The following ANKRD33B variants were observed in gnomAD, a reference collection of about 807,000 sequenced individuals.
ANKRD33B encodes the protein ankyrin repeat domain-containing protein 33B.
A neutral mutation model predicts 21.5 loss-of-function variants in ANKRD33B; 6 were observed. The ratio of observed to expected loss-of-function variants is 0.28; its 90% CI spans 0.15 to 0.55. ANKRD33B has a LOEUF of 0.55. ANKRD33B is among the 20% of genes least tolerant of loss of function. The probability of loss-of-function intolerance (pLI) is 0.94; values close to 1 mark genes in which losing one functional copy is unlikely to be tolerated. For synonymous variants in ANKRD33B, 347 were observed against 342.4 expected (o/e 1.01, Z -0.15); for missense variants, 698 against 747.2 (o/e 0.93, Z 0.77).
At chr5:10,602,587 G>A (rs529988544) in intron 1 of ANKRD33B, among the ~76,000 whole-genome samples, 56 of 152,322 alleles carry the variant, frequency 3.7e-4, no homozygotes, top group African/African-American at 1.2e-3. Context: ...ACATGCTGTC[G>A]TCTGAGAGCC....
Position 10,649,995 on chromosome 5 carries a change from C to G in ANKRD33B, c.1367C>G (p.Pro456Arg), listed in dbSNP as rs1212330178. Reference protein sequence around the residue: ...STKDSGHLQIPKWRYKEAKEE... With the variant: ...STKDSGHLQIRKWRYKEAKEE... Reference sequence around the variant, plus strand: ...AAGGACAGCGGCCACCTGCAGATCCCCAAGTGGCGGTACAAGGAGGCCAAG... The same window carrying G: ...AAGGACAGCGGCCACCTGCAGATCCGCAAGTGGCGGTACAAGGAGGCCAAG... The change falls in exon 4 of 4, where the codon CCC (proline) becomes CGC (arginine). Residue 456 changes from proline to arginine, a missense_variant. Physicochemically the swap from Pro to Arg is moderately radical, Grantham distance 103 (BLOSUM62 -2). This residue lies in a region of ANKRD33B where 543 missense variants were observed against 566.5 expected (regional missense o/e 0.96). Coordinates refer to ENST00000296657, the MANE Select transcript of ANKRD33B (RefSeq NM_001164440.2). The G allele has an allele frequency of 6.5e-7, 1 of 1,533,638 alleles. No individual in the cohort carries two copies. Among genetic ancestry groups the G allele is most frequent in the Non-Finnish European group, 8.7e-7 (1 of 1,144,910 alleles).
At chr5:10,610,296 G>A (rs1272649967) in intron 1 of ANKRD33B, among the ~76,000 whole-genome samples, 1 of 152,184 alleles carries the variant, frequency 6.6e-6, no homozygotes, top group Non-Finnish European at 1.5e-5. Context: ...CTCCCAGGGT[G>A]CATTTGGCAA....
chr5:10,631,118 G>C (rs909323184), intron 2 of ANKRD33B, among the ~76,000 whole-genome samples: 2 of 152,214 alleles, frequency 1.3e-5, no homozygotes, highest in Non-Finnish European at 2.9e-5. Context: ...TTAGGGAAAA[G>C]GGGTTCTGGT....
chr5:10,579,838 T>C (rs1434614099), intron 1 of ANKRD33B, among the ~76,000 whole-genome samples: 1 of 152,200 alleles, frequency 6.6e-6, no homozygotes, highest in Non-Finnish European at 1.5e-5. Flanking sequence ...TGATACAGAA[T>C]TCACATACCA....
intron 2 of ANKRD33B, among the ~76,000 whole-genome samples, chr5:10,633,107 TTTTTTTTC>T (rs1315775535): frequency 0.024 from 2,888 of 119,256 alleles, 95 homozygotes; most frequent in African/African-American, 0.077. Flanking sequence ...CTTTTTTTTT[TTTTTTTTC>T]TTTTTGAGAT....
chr5:10,600,227 A>G (rs1254413799), intron 1 of ANKRD33B, among the ~76,000 whole-genome samples: 1 of 152,266 alleles, frequency 6.6e-6, no homozygotes, highest in African/African-American at 2.4e-5. Context: ...ACAACTCTTA[A>G]GGGTGTAGTT....
chr5:10,614,472 T>A (rs573553441), intron 1 of ANKRD33B, among the ~76,000 whole-genome samples: 1 of 152,352 alleles, frequency 6.6e-6, no homozygotes, highest in South Asian at 2.1e-4. Flanking sequence ...CATCTCACTG[T>A]CTTGCCCAGG....
rs1286989278 is a variant in ANKRD33B at position 10,564,971 on chromosome 5, C to A, written c.366+138C>A. On this transcript the variant is annotated intron_variant, in intron 1 of 3. Transcript: ENST00000296657. ...CAGCCGCCGCCCAGAGCGCCTTTTCCCCGCTGTTTGGGAGCGCGGTGCCCT... is the reference window on the plus strand; with the variant it reads ...CAGCCGCCGCCCAGAGCGCCTTTTCACCGCTGTTTGGGAGCGCGGTGCCCT... The A allele has an allele frequency of 5.6e-6, 7 of 1,260,682 alleles. No homozygotes were observed. The South Asian group carries it at 1.1e-4, about 20-fold the overall frequency. 78.1% of individuals were successfully genotyped at this position (1,260,682 alleles called of 1,614,324 possible). A position where few individuals can be genotyped will look rare whatever the true frequency, so the allele number is the denominator to read the frequency against.
intron 2 of ANKRD33B, among the ~76,000 whole-genome samples, chr5:10,635,418 G>C (rs570245577): frequency 1.3e-5 from 2 of 152,258 alleles, no homozygotes; most frequent in Admixed American, 6.5e-5. Flanking sequence ...GCCCCTCCCC[G>C]CACATAGTAA....
chr5:10,642,811 G>T (rs1737093682), intron 3 of ANKRD33B, among the ~76,000 whole-genome samples: 1 of 152,216 alleles, frequency 6.6e-6, no homozygotes, highest in Non-Finnish European at 1.5e-5. Context: ...TCTTGTAAAT[G>T]AGATACTTAA....
chr5:10,640,911 G>T (rs981202976), intron 3 of ANKRD33B, among the ~76,000 whole-genome samples: 4 of 152,204 alleles, frequency 2.6e-5, no homozygotes, highest in African/African-American at 9.7e-5. Flanking sequence ...GGACACCGAG[G>T]TACCCTCAAA....
intron 1 of ANKRD33B, among the ~76,000 whole-genome samples, chr5:10,585,886 T>TGA (rs1326863019): frequency 2.0e-5 from 3 of 152,214 alleles, no homozygotes; most frequent in African/African-American, 7.2e-5. Context: ...CTGAAGCAGT[T>TGA]GCATCCATCA....
In ANKRD33B at chr5:10,618,522, G is replaced by T; in HGVS notation, c.496+60G>T. 2.0e-6 allele frequency: 3 copies of T among 1,465,342 alleles called. No individual in the cohort carries two copies. In the South Asian group the frequency reaches 4.1e-5, roughly 20 times the overall value. The allele number at this position is 1,465,342 out of a possible 1,614,324, so 90.8% of individuals were successfully genotyped here. ...GTGGCCAGAGCACCGCCGCCGGGCA[G>T]CCCGGGCTCCCGTTGCGATGCAGTC... On this transcript the variant is annotated intron_variant, in intron 2 of 3. Coordinates refer to ENST00000296657, the MANE Select transcript of ANKRD33B (RefSeq NM_001164440.2).
Position 10,626,023 on chromosome 5 carries a change from C to T in ANKRD33B, c.496+7561C>T, listed in dbSNP as rs145476192. On this transcript the variant is annotated intron_variant, in intron 2 of 3. Transcript: ENST00000296657. ...TGACCCAGGCCAAGAAGCTGGAACC[C>T]GAGAGGCAGCCTCGGCCTAGAACCC... Among the ~76,000 whole-genome samples the T allele has an allele frequency of 2.0e-3, 305 of 152,230 alleles. 3 individuals carry two copies. The highest frequency in any genetic ancestry group is 6.7e-3 in the African/African-American group (280 of 41,544).
chr5:10,589,533 TTTA>T (rs1735639151), intron 1 of ANKRD33B, among the ~76,000 whole-genome samples: 1 of 152,216 alleles, frequency 6.6e-6, no homozygotes, highest in African/African-American at 2.4e-5. Flanking sequence ...ACACCTCACT[TTTA>T]TTTGTGCATT....
chr5:10,598,521 C>T (rs549744924), intron 1 of ANKRD33B, among the ~76,000 whole-genome samples: 47 of 152,330 alleles, frequency 3.1e-4, no homozygotes, highest in Non-Finnish European at 5.0e-4. Flanking sequence ...TCCGCCTCGG[C>T]CTCCCAAAGT....
intron 1 of ANKRD33B, among the ~76,000 whole-genome samples, chr5:10,612,202 C>A (rs145294573): frequency 2.0e-5 from 3 of 152,186 alleles, no homozygotes; most frequent in African/African-American, 7.2e-5. Context: ...TGTCTTAGTC[C>A]GTTTAGGCTG....
At chr5:10,573,046 A>G (rs1047744641) in intron 1 of ANKRD33B, among the ~76,000 whole-genome samples, 1 of 152,172 alleles carries the variant, frequency 6.6e-6, no homozygotes, top group African/African-American at 2.4e-5. Context: ...ACTCCAATCC[A>G]ATCAGTTGCC....
intron 1 of ANKRD33B, among the ~76,000 whole-genome samples, chr5:10,566,667 C>T (rs971942777): frequency 2.0e-5 from 3 of 152,234 alleles, no homozygotes; most frequent in African/African-American, 7.2e-5. Flanking sequence ...AAACTGACAG[C>T]AACGTAAACC....
Sources: allele counts gnomAD v4.1 joint callset (sites outside exome capture counted in the v4.1 genomes callset), GRCh38; gene constraint gnomAD v4.1.1; regional missense constraint gnomAD v4.1.1; transcripts MANE v1.5; gene names NCBI Gene and HGNC (gene_info 2026-07-23, HGNC 2026-07-21).